Variants in HCRTR2 observed in about 807,000 individuals in gnomAD.
HCRTR2 encodes hypocretin receptor 2, also known as orexin receptor type 2.
A neutral mutation model predicts 49.0 loss-of-function variants in HCRTR2; 22 were observed. The ratio of observed to expected loss-of-function variants is 0.45; its 90% CI spans 0.32 to 0.64. The LOEUF (loss-of-function observed/expected upper bound fraction) is 0.64. HCRTR2 is among the 30% of genes least tolerant of loss of function. The pLI is 0.04. For synonymous variants in HCRTR2, 236 were observed against 205.3 expected (o/e 1.15, Z -1.28); for missense variants, 491 against 559.4 (o/e 0.88, Z 1.23).
chr6:55,148,266 C>A (rs1764620792), intron 1 of HCRTR2, among the ~76,000 whole-genome samples: 1 of 151,638 alleles, frequency 6.6e-6, no homozygotes, highest in African/African-American at 2.4e-5. Context: ...GTGTGTGTTT[C>A]TACTCATTTA....
intron 1 of HCRTR2, among the ~76,000 whole-genome samples, chr6:55,248,111 G>A (rs1766480399): frequency 1.3e-5 from 2 of 152,090 alleles, no homozygotes; most frequent in African/African-American, 4.8e-5. Flanking sequence ...AACAACATAA[G>A]TATATGAACC....
intron 1 of HCRTR2, among the ~76,000 whole-genome samples, chr6:55,216,392 T>A (rs1188035192): frequency 6.6e-6 from 1 of 152,140 alleles, no homozygotes; most frequent in Non-Finnish European, 1.5e-5. Context: ...AAGAGTCTCA[T>A]CTGAGACTCA....
chr6:55,178,951 A>G (rs965894685), intron 1 of HCRTR2, among the ~76,000 whole-genome samples: 1 of 152,236 alleles, frequency 6.6e-6, no homozygotes, highest in Non-Finnish European at 1.5e-5. Context: ...TAACACACAC[A>G]TTGGTAATAT....
chr6:55,205,873 C>A (rs1765591893), intron 1 of HCRTR2, among the ~76,000 whole-genome samples: 1 of 151,920 alleles, frequency 6.6e-6, no homozygotes, highest in South Asian at 2.1e-4. Flanking sequence ...ATTATAGTTT[C>A]CCTAGCTTGA....
Position 55,248,828 on chromosome 6 carries a change from T to C in HCRTR2, c.402+11T>C, listed in dbSNP as rs201420260. ...ATTCCTTATCTACAGGTAATTGTTTTTAATGCTTTTTTGAAGCTACTAAAA... is the reference window on the plus strand; with the variant it reads ...ATTCCTTATCTACAGGTAATTGTTTCTAATGCTTTTTTGAAGCTACTAAAA... On this transcript the variant is annotated intron_variant, in intron 2 of 6. Transcript: ENST00000370862. 1.3e-5 allele frequency: 21 copies of C among 1,610,280 alleles called. No homozygotes were observed. Among genetic ancestry groups the C allele is most frequent in the Non-Finnish European group, 1.7e-5 (20 of 1,176,824 alleles).
chr6:55,245,574 C>A (rs891746403), intron 1 of HCRTR2, among the ~76,000 whole-genome samples: 1 of 147,762 alleles, frequency 6.8e-6, no homozygotes, highest in Non-Finnish European at 1.5e-5. Flanking sequence ...AATAGACTGA[C>A]AGTAACCAAA....
At chr6:55,229,385 A>G (rs1156555421) in intron 1 of HCRTR2, among the ~76,000 whole-genome samples, 1 of 152,170 alleles carries the variant, frequency 6.6e-6, no homozygotes, top group African/African-American at 2.4e-5. Flanking sequence ...TGAGCCAGCA[A>G]TTCCATTTTT....
chr6:55,187,480 G>T (rs1180678203), intron 1 of HCRTR2, among the ~76,000 whole-genome samples: 3 of 148,154 alleles, frequency 2.0e-5, no homozygotes, highest in East Asian at 2.0e-4. Flanking sequence ...GCAGATATTG[G>T]TAATTCTAGC....
chr6:55,215,265 A>G (rs919476335), intron 1 of HCRTR2, among the ~76,000 whole-genome samples: 13 of 152,212 alleles, frequency 8.5e-5, no homozygotes, highest in African/African-American at 3.1e-4. Context: ...CAAAACAGAA[A>G]TAAGTGGGAT....
chr6:55,280,217 C>T, intron 5 of HCRTR2, 106 bp from the exon 6 acceptor site: 1 of 755,812 alleles, frequency 1.3e-6, no homozygotes, highest in Non-Finnish European at 2.3e-6. Context: ...TGGTCAATTC[C>T]TGCAACTGAA....
At chr6:55,121,288 T>G (rs1210829408) in intron 1 of HCRTR2, among the ~76,000 whole-genome samples, 1 of 152,060 alleles carries the variant, frequency 6.6e-6, no homozygotes, top group Admixed American at 6.6e-5. Flanking sequence ...CTGTTATTGG[T>G]GTATAGGAAT....
intron 3 of HCRTR2, among the ~76,000 whole-genome samples, chr6:55,263,275 A>G (rs1030081875): frequency 2.6e-5 from 4 of 152,060 alleles, no homozygotes; most frequent in Non-Finnish European, 5.9e-5. Flanking sequence ...AACTGAGTTT[A>G]TATTTTCTTC....
intron 1 of HCRTR2, among the ~76,000 whole-genome samples, chr6:55,207,321 A>G (rs1379450959): frequency 6.6e-6 from 1 of 152,142 alleles, no homozygotes; most frequent in African/African-American, 2.4e-5. Flanking sequence ...ATTTTGAATG[A>G]AAAATGTAAT....
At chr6:55,165,744 A>AATATATATATATAT (rs56655240) in intron 1 of HCRTR2, among the ~76,000 whole-genome samples, 95 of 128,434 alleles carry the variant, frequency 7.4e-4, no homozygotes, top group East Asian at 4.3e-3. Flanking sequence ...TAGTATACAG[A>AATATATATATATAT]ATATATATAT....
At position 55,159,067 on chromosome 6, in the gene HCRTR2, A is replaced by G. The variant is rs149792931; in HGVS notation, c.-377-15144A>G. 4.3e-3 allele frequency among the ~76,000 whole-genome samples: 659 copies of G among 152,236 alleles called. 7 individuals are homozygous for G. Among genetic ancestry groups the G allele is most frequent in the African/African-American group, 0.015 (619 of 41,550 alleles). On this transcript the variant is annotated intron_variant, in intron 1 of 7. Coordinates refer to the HCRTR2 transcript ENST00000615358. ...CTCATACAGGAGAGCTCCGGCTGGT[A>G]TCTGGTGGGTGCCCCTCTGGGACAA...
At chr6:55,145,400 T>TTTTTG (rs763038489) in intron 1 of HCRTR2, among the ~76,000 whole-genome samples, 25,219 of 124,130 alleles carry the variant, frequency 0.2, 2,258 homozygotes, top group South Asian at 0.26. Flanking sequence ...TTTGTTTTTT[T>TTTTTG]TTTTGTTTTT....
intron 1 of HCRTR2, among the ~76,000 whole-genome samples, chr6:55,181,605 CACA>C (rs1360325356): frequency 2.0e-5 from 3 of 152,022 alleles, no homozygotes; most frequent in Non-Finnish European, 4.4e-5. Flanking sequence ...AGTTATTCTT[CACA>C]ACAACATTAT....
In HCRTR2 at chr6:55,179,857, A is replaced by T. The variant is rs140808251; in HGVS notation, c.223+5047A>T. On this transcript the variant is annotated intron_variant, in intron 1 of 6. Transcript: ENST00000370862. ...TACTGCAGCTATGTTAGCATCTCAA[A>T]GTCTCCATATTCTCACTCCGCTCCG... Among the ~76,000 whole-genome samples the T allele has an allele frequency of 4.6e-3, 695 of 152,288 alleles. 1 individual carries two copies. Among genetic ancestry groups the T allele is most frequent in the African/African-American group, 0.015 (638 of 41,564 alleles).
At chr6:55,219,466 T>C (rs994874854) in intron 1 of HCRTR2, among the ~76,000 whole-genome samples, 7 of 152,144 alleles carry the variant, frequency 4.6e-5, no homozygotes, top group African/African-American at 1.7e-4. Context: ...AAGAAGAAAT[T>C]ATAAGGGATA....
Sources: allele counts gnomAD v4.1 joint callset (sites outside exome capture counted in the v4.1 genomes callset), GRCh38; gene constraint gnomAD v4.1.1; transcripts MANE v1.5; gene names NCBI Gene and HGNC (gene_info 2026-07-23, HGNC 2026-07-21).